TAFA4: variants seen among roughly 807,000 people sequenced by gnomAD.
The protein encoded by TAFA4 is TAFA chemokine like family member 4.
In TAFA4, 20 loss-of-function variants were observed where a neutral mutation model predicts 21.1. That is an observed-to-expected ratio of 0.95 (90% confidence interval 0.67 to 1.38). The LOEUF (loss-of-function observed/expected upper bound fraction) is 1.38. TAFA4 is among the 40% of genes most tolerant of loss of function. TAFA4 has a pLI of 0.00. For synonymous variants in TAFA4, 71 were observed against 67.4 expected (o/e 1.05, Z -0.26); for missense variants, 211 against 180.9 (o/e 1.17, Z -0.95).
At chr3:68,875,087 C>G (rs1428965834) in intron 3 of TAFA4, among the ~76,000 whole-genome samples, 1 of 152,138 alleles carries the variant, frequency 6.6e-6, no homozygotes, top group Non-Finnish European at 1.5e-5. Flanking sequence ...TTTTCACAGT[C>G]CTTCCCAAGA....
At chr3:68,906,114 T>C (rs1329966641) in intron 1 of TAFA4, among the ~76,000 whole-genome samples, 2 of 152,214 alleles carry the variant, frequency 1.3e-5, no homozygotes, top group South Asian at 2.1e-4. Context: ...ATGTTGTATG[T>C]ACACAGCAGG....
At chr3:68,910,077 C>A (rs1348832804) in intron 1 of TAFA4, among the ~76,000 whole-genome samples, 1 of 152,212 alleles carries the variant, frequency 6.6e-6, no homozygotes, top group Non-Finnish European at 1.5e-5. Flanking sequence ...CATGGGCATC[C>A]CCAACACACA....
chr3:68,854,597 T>C (rs1302405046), intron 3 of TAFA4, among the ~76,000 whole-genome samples: 1 of 152,002 alleles, frequency 6.6e-6, no homozygotes, highest in African/African-American at 2.4e-5. Context: ...AACAAATATA[T>C]GGTTAAAGCC....
At chr3:68,807,841 CTG>C (rs35205077) in intron 3 of TAFA4, among the ~76,000 whole-genome samples, 13,034 of 152,140 alleles carry the variant, frequency 0.086, 673 homozygotes, top group African/African-American at 0.14. Context: ...GCATTTGAAG[CTG>C]TGTCATTCAC....
chr3:68,830,991 T>C (rs1343322974), intron 3 of TAFA4, among the ~76,000 whole-genome samples: 1 of 152,250 alleles, frequency 6.6e-6, no homozygotes, highest in Non-Finnish European at 1.5e-5. Flanking sequence ...GTCTGTTTTA[T>C]CAGAGACCAG....
intron 1 of TAFA4, among the ~76,000 whole-genome samples, chr3:68,904,273 C>A (rs2089875447): frequency 6.6e-6 from 1 of 152,084 alleles, no homozygotes; most frequent in Non-Finnish European, 1.5e-5. Flanking sequence ...AATACACATG[C>A]CCTGGGAAAG....
chr3:68,878,700 T>C (rs1254822828), intron 3 of TAFA4, among the ~76,000 whole-genome samples: 1 of 152,196 alleles, frequency 6.6e-6, no homozygotes, highest in East Asian at 1.9e-4. Context: ...GTATGTGATC[T>C]CCTGCCTGCT....
rs932636646 is a variant in TAFA4 at position 68,788,224 on chromosome 3, C to G, written c.131-35206G>C. On this transcript the variant is annotated intron_variant, in intron 3 of 5. Transcript: ENST00000295569. Reference sequence around the variant, plus strand: ...CCAGCCTCAATCATCTGACTGTATTCCTTACCACCTTCTCCCTCACTACCC... The same window carrying G: ...CCAGCCTCAATCATCTGACTGTATTGCTTACCACCTTCTCCCTCACTACCC... 7.2e-5 allele frequency among the ~76,000 whole-genome samples: 11 copies of G among 152,266 alleles called. No homozygotes were observed. In the South Asian group the frequency reaches 1.2e-3, roughly 17 times the overall value.
At chr3:68,873,483 T>C (rs1337171396) in intron 3 of TAFA4, among the ~76,000 whole-genome samples, 1 of 152,038 alleles carries the variant, frequency 6.6e-6, no homozygotes, top group East Asian at 1.9e-4. Context: ...TAATAGCTGC[T>C]CTCTCCCTTT....
intron 4 of TAFA4, among the ~76,000 whole-genome samples, chr3:68,740,553 C>T (rs1025046606): frequency 2.0e-5 from 3 of 152,148 alleles, no homozygotes; most frequent in East Asian, 3.8e-4. Flanking sequence ...TAATTTTTGG[C>T]ACTTGAGCAG....
At chr3:68,874,362 C>G (rs1406791408) in intron 3 of TAFA4, among the ~76,000 whole-genome samples, 1 of 152,064 alleles carries the variant, frequency 6.6e-6, no homozygotes, top group Non-Finnish European at 1.5e-5. Context: ...TTAAAGCATC[C>G]AAGCAACACC....
intron 3 of TAFA4, among the ~76,000 whole-genome samples, chr3:68,775,200 G>A (rs749323403): frequency 6.6e-5 from 10 of 152,122 alleles, no homozygotes. Context: ...AGGATTTGGG[G>A]GAATTTGTAC....
intron 1 of TAFA4, among the ~76,000 whole-genome samples, chr3:68,900,085 A>C (rs5028493): frequency 0.54 from 77,728 of 144,952 alleles, 21,355 homozygotes; most frequent in East Asian, 0.71. Flanking sequence ...CACACACAAA[A>C]AAAAAAAAAA....
intron 3 of TAFA4, among the ~76,000 whole-genome samples, chr3:68,863,577 T>A (rs2089378798): frequency 6.6e-6 from 1 of 152,106 alleles, no homozygotes; most frequent in Admixed American, 6.5e-5. Context: ...CTGTAAAAAC[T>A]GAGACCAAGA....
At chr3:68,873,371 CA>C (rs2089509987) in intron 3 of TAFA4, among the ~76,000 whole-genome samples, 2 of 144,436 alleles carry the variant, frequency 1.4e-5, no homozygotes, top group African/African-American at 5.0e-5. Context: ...CACACACACA[CA>C]CACACCCTGG....
At chr3:68,923,261 G>A (rs931109637) in intron 1 of TAFA4, among the ~76,000 whole-genome samples, 7 of 152,098 alleles carry the variant, frequency 4.6e-5, no homozygotes, top group African/African-American at 1.7e-4. Flanking sequence ...GAATAAACAT[G>A]GGGTGCTTAA....
At chr3:68,894,924 C>T (rs1322682641) in intron 1 of TAFA4, among the ~76,000 whole-genome samples, 2 of 152,088 alleles carry the variant, frequency 1.3e-5, no homozygotes, top group African/African-American at 2.4e-5. Context: ...GCGTGGTCTC[C>T]GCTCACTGCA....
At chr3:68,826,718 G>A (rs1477396431) in intron 3 of TAFA4, among the ~76,000 whole-genome samples, 1 of 152,016 alleles carries the variant, frequency 6.6e-6, no homozygotes, top group Non-Finnish European at 1.5e-5. Context: ...GGAAAGAGGA[G>A]GCACAAAATA....
intron 1 of TAFA4, among the ~76,000 whole-genome samples, chr3:68,924,876 A>G (rs2090092978): frequency 6.6e-6 from 1 of 152,084 alleles, no homozygotes. Flanking sequence ...TGCCTCTCTA[A>G]CCCCCACTGG....
Sources: allele counts gnomAD v4.1 joint callset (sites outside exome capture counted in the v4.1 genomes callset), GRCh38; gene constraint gnomAD v4.1.1; transcripts MANE v1.5; gene names NCBI Gene and HGNC (gene_info 2026-07-23, HGNC 2026-07-21).